The following PDIA5 variants were observed in gnomAD, a reference collection of about 807,000 sequenced individuals.
PDIA5 encodes the protein protein disulfide isomerase family A member 5.
In PDIA5, 58 loss-of-function variants were observed where a neutral mutation model predicts 77.6. That is an observed-to-expected ratio of 0.75 (90% CI 0.61 to 0.93). The LOEUF (loss-of-function observed/expected upper bound fraction) is 0.93. Ranked by LOEUF, PDIA5 falls within the 40% of genes least tolerant of loss-of-function variation. The pLI is 0.00. For missense variants in PDIA5, 630 were observed against 647.7 expected (o/e 0.97, Z 0.30); for synonymous variants, 250 against 252.1 (o/e 0.99, Z 0.08).
At chr3:123,078,226 C>T (rs370377015) in intron 1 of PDIA5, among the ~76,000 whole-genome samples, 2 of 152,288 alleles carry the variant, frequency 1.3e-5, no homozygotes, top group South Asian at 4.1e-4. Flanking sequence ...AAAAACCAAA[C>T]CACGCAATGT....
chr3:123,151,201 G>C (rs1324517417), intron 14 of PDIA5, among the ~76,000 whole-genome samples: 1 of 152,154 alleles, frequency 6.6e-6, no homozygotes, highest in Non-Finnish European at 1.5e-5. Context: ...GCCCCTCCTT[G>C]AGGCAGCCTC....
At chr3:123,111,172 C>A (rs1196369967) in intron 7 of PDIA5, among the ~76,000 whole-genome samples, 168 bp downstream of exon 7, 2 of 152,198 alleles carry the variant, frequency 1.3e-5, no homozygotes, top group Admixed American at 6.5e-5. Context: ...TTTGCCTTTT[C>A]ATCTGGCTCC....
At position 123,100,741 on chromosome 3, in the gene PDIA5, C is replaced by T. The variant is rs184763986; in HGVS notation, c.258-1670C>T. 6.6e-3 allele frequency among the ~76,000 whole-genome samples: 1,001 copies of T among 152,314 alleles called. 13 individuals are homozygous for T. The highest frequency in any genetic ancestry group is 0.023 in the African/African-American group (938 of 41,562). On this transcript the variant is annotated intron_variant, in intron 3 of 16. Coordinates refer to ENST00000316218, the MANE Select transcript of PDIA5 (RefSeq NM_006810.4). Reference sequence around the variant, plus strand: ...TCTTTACACTTAAAATGAGGTCCTTCGTTTTTTACATGTCCACTGATGAGT... The same window carrying T: ...TCTTTACACTTAAAATGAGGTCCTTTGTTTTTTACATGTCCACTGATGAGT...
At chr3:123,100,693 T>G (rs758662509) in intron 3 of PDIA5, among the ~76,000 whole-genome samples, 1 of 152,228 alleles carries the variant, frequency 6.6e-6, no homozygotes, top group Non-Finnish European at 1.5e-5. Context: ...CAGTAAGACA[T>G]GCTTCTTGAG....
At chr3:123,125,354 C>A (rs1173994691) in intron 10 of PDIA5, among the ~76,000 whole-genome samples, 1 of 152,196 alleles carries the variant, frequency 6.6e-6, no homozygotes, top group Non-Finnish European at 1.5e-5. Context: ...GAAGATGTTA[C>A]CGTTCTCTTC....
chr3:123,109,242 C>T (rs573555851), intron 6 of PDIA5, among the ~76,000 whole-genome samples: 2 of 152,284 alleles, frequency 1.3e-5, no homozygotes, highest in South Asian at 4.1e-4. Context: ...GTTCCAAATT[C>T]AAGTTTGAAT....
chr3:123,085,094 C>T (rs1034106032), intron 1 of PDIA5, among the ~76,000 whole-genome samples: 1 of 152,220 alleles, frequency 6.6e-6, no homozygotes, highest in Non-Finnish European at 1.5e-5. Flanking sequence ...ATCGACCCTT[C>T]TGGGCCTCCC....
Position 123,067,037 on chromosome 3 carries a change from GGGAACT to G in PDIA5, c.-127_-122del. 1 of 747,398 alleles carries G rather than the reference GGGAACT, an allele frequency of 1.3e-6. No homozygotes were observed. The highest frequency in any genetic ancestry group is 1.8e-6 in the Non-Finnish European group (1 of 544,958). 46.3% of individuals were successfully genotyped at this position (747,398 alleles called of 1,614,324 possible). A position where few individuals can be genotyped will look rare whatever the true frequency, so the allele number is the denominator to read the frequency against. On this transcript the variant is annotated 5_prime_UTR_variant, in exon 1 of 17. Coordinates refer to ENST00000316218, the MANE Select transcript of PDIA5 (RefSeq NM_006810.4). ...CGCATGCTTTGGCAGACGTGGCACCGGGAACTCGGAGGCGGGGAGCGGCTGGGAAGT... is the reference window on the plus strand; with the variant it reads ...CGCATGCTTTGGCAGACGTGGCACCGCGGAGGCGGGGAGCGGCTGGGAAGT...
At chr3:123,121,266 G>T (rs1935113410) in intron 8 of PDIA5, among the ~76,000 whole-genome samples, 1 of 152,170 alleles carries the variant, frequency 6.6e-6, no homozygotes, top group African/African-American at 2.4e-5. Context: ...CTCACATGCA[G>T]CCCACGCTAA....
intron 3 of PDIA5, among the ~76,000 whole-genome samples, chr3:123,096,296 T>C (rs1404325131): frequency 6.6e-6 from 1 of 152,162 alleles, no homozygotes; most frequent in East Asian, 1.9e-4. Context: ...CCTCCCGGGC[T>C]GAAGCCATCC....
rs146172268 is a variant in PDIA5, at chr3:123,151,181, C to T, written c.1273+817C>T. 5.9e-5 allele frequency among the ~76,000 whole-genome samples: 9 copies of T among 152,320 alleles called. No homozygotes were observed. In the East Asian group the frequency reaches 1.7e-3, roughly 29 times the overall value. ...GTTCTCAGGGTCTGAGAGGGGCCGC[C>T]ACAGCCTCAGCCCCTCCTTGAGGCA... On this transcript the variant is annotated intron_variant, in intron 14 of 16. Transcript: ENST00000316218.
intron 4 of PDIA5, 127 bp downstream of exon 4, chr3:123,102,621 T>C: frequency 9.4e-7 from 1 of 1,065,222 alleles, no homozygotes. Flanking sequence ...GTGTTTACAA[T>C]TATTTCTTTT....
At chr3:123,091,073 C>T (rs1934271237) in intron 2 of PDIA5, among the ~76,000 whole-genome samples, 1 of 152,090 alleles carries the variant, frequency 6.6e-6, no homozygotes, top group Non-Finnish European at 1.5e-5. Flanking sequence ...TTTATTTCTC[C>T]CCCTCCCCTG....
intron 11 of PDIA5, among the ~76,000 whole-genome samples, chr3:123,134,484 C>T (rs1410408237): frequency 1.3e-5 from 2 of 152,136 alleles, no homozygotes; most frequent in Non-Finnish European, 1.5e-5. Flanking sequence ...ACACGGCACC[C>T]CTCCCCGTTC....
intron 8 of PDIA5, among the ~76,000 whole-genome samples, chr3:123,119,678 G>A (rs1434416351): frequency 6.6e-6 from 1 of 152,176 alleles, no homozygotes; most frequent in Non-Finnish European, 1.5e-5. Context: ...GGTGTCAATT[G>A]CTTTTTGTCT....
chr3:123,119,585 G>T (rs764132989), intron 8 of PDIA5, among the ~76,000 whole-genome samples: 2 of 152,176 alleles, frequency 1.3e-5, no homozygotes, highest in African/African-American at 2.4e-5. Flanking sequence ...ACCCACGCAG[G>T]AGGCCCCTAG....
intron 1 of PDIA5, 65 bp from the exon 2 acceptor site, chr3:123,089,103 G>C: frequency 6.5e-7 from 1 of 1,529,384 alleles, no homozygotes. Flanking sequence ...ACATCCATGG[G>C]CACCGATTCT....
intron 6 of PDIA5, among the ~76,000 whole-genome samples, chr3:123,110,385 G>C (rs1270970231): frequency 6.6e-6 from 1 of 152,178 alleles, no homozygotes; most frequent in Admixed American, 6.5e-5. Flanking sequence ...GGATAAGGAT[G>C]GTGGTGGCAG....
chr3:123,147,057 C>T (rs905816300), intron 13 of PDIA5, among the ~76,000 whole-genome samples: 15 of 152,052 alleles, frequency 9.9e-5, no homozygotes, highest in South Asian at 2.1e-4. Flanking sequence ...GTGATCCACC[C>T]GCCTCAGCCT....
Sources: gnomAD v4.1 joint callset for allele counts (sites outside exome capture counted in the v4.1 genomes callset) on GRCh38, gnomAD v4.1.1 for gene constraint, MANE v1.5 for transcripts, NCBI Gene and HGNC (gene_info 2026-07-23, HGNC 2026-07-21) for gene names.